Variants in CLN6 observed in about 807,000 individuals in gnomAD.
CLN6 encodes CLN6 transmembrane ER protein, also known as ceroid-lipofuscinosis neuronal protein 6.
A neutral mutation model predicts 33.3 loss-of-function variants in CLN6; 22 were observed. The ratio of observed to expected loss-of-function variants is 0.66; its 90% CI spans 0.47 to 0.94. The LOEUF is 0.94. CLN6 is among the 40% of genes least tolerant of loss of function. The pLI, the probability that CLN6 is intolerant of heterozygous loss-of-function variation, is 0.00. For synonymous variants in CLN6, 201 were observed against 174.6 expected (o/e 1.15, Z -1.19); for missense variants, 387 against 417.1 (o/e 0.93, Z 0.63).
chr15:68,229,951 T>C (rs1236181826), upstream of CLN6, among the ~76,000 whole-genome samples: 1 of 152,130 alleles, frequency 6.6e-6, no homozygotes, highest in African/African-American at 2.4e-5. Flanking sequence ...AATCTCTGTC[T>C]AGGGTGACTG....
chr15:68,255,431 T>C (rs758350159), intron 1 of CLN6, among the ~76,000 whole-genome samples: 4 of 152,222 alleles, frequency 2.6e-5, no homozygotes, highest in Non-Finnish European at 5.9e-5. Context: ...AGATAAATTC[T>C]GCCATTTTCA....
chr15:68,235,614 A>C (rs1341591620), intron 1 of CLN6, among the ~76,000 whole-genome samples: 1 of 35,774 alleles, frequency 2.8e-5, no homozygotes, highest in Non-Finnish European at 8.2e-5. Context: ...ATATATATAT[A>C]TATATATATA....
chr15:68,211,200 GC>G lies in CLN6; in HGVS notation c.542+62del. ...ACAGCCTTGCTCAGTGTGTCCCTGA[GC>G]CAGTGACAGGGCTAGCCGGTAGTTG... On this transcript the variant is annotated intron_variant, in intron 5 of 6. Coordinates refer to ENST00000249806, the MANE Select transcript of CLN6 (RefSeq NM_017882.3). This position sits in a 1 kb window ranked among gnomAD's most constrained non-coding sequence, Gnocchi z 5.9. 1 of 1,396,502 alleles carries G rather than the reference GC, an allele frequency of 7.2e-7. No homozygotes were observed. The highest frequency in any genetic ancestry group is 1.0e-6 in the Non-Finnish European group (1 of 981,452). The allele number at this position is 1,396,502 out of a possible 1,614,324, so 86.5% of individuals were successfully genotyped here.
At chr15:68,223,613 ATGTG>A (rs2093243898) in intron 1 of CLN6, among the ~76,000 whole-genome samples, 1 of 152,148 alleles carries the variant, frequency 6.6e-6, no homozygotes, top group Non-Finnish European at 1.5e-5. Context: ...GAACACTTAG[ATGTG>A]TGTATCTGGA....
Position 68,241,407 on chromosome 15 carries a change from C to T in CLN6, c.179+15283G>A, listed in dbSNP as rs1892279283. Among the ~76,000 whole-genome samples, 1 of 152,140 alleles carries T rather than the reference C, an allele frequency of 6.6e-6. No individual in the cohort carries two copies. The highest frequency in any genetic ancestry group is 1.5e-5 in the Non-Finnish European group (1 of 68,028). On this transcript the variant is annotated intron_variant, in intron 1 of 6. Coordinates refer to the CLN6 transcript ENST00000538696. This position sits in a 1 kb window ranked among gnomAD's most constrained non-coding sequence, Gnocchi z 4.2. Reference sequence around the variant, plus strand: ...TAAATGGATTTCTACATCCATGACTCCCCTCCCTATAATCTGCCCAGCACC... The same window carrying T: ...TAAATGGATTTCTACATCCATGACTTCCCTCCCTATAATCTGCCCAGCACC...
chr15:68,252,231 C>A (rs1486093114), intron 1 of CLN6, among the ~76,000 whole-genome samples: 1 of 152,094 alleles, frequency 6.6e-6, no homozygotes. Context: ...ATCTTGCCCT[C>A]CCAAAGTGCT....
In CLN6 at chr15:68,242,505, AACTT is replaced by A. The variant is rs1266695815; in HGVS notation, c.179+14181_179+14184del. Among the ~76,000 whole-genome samples, 1 of 152,126 alleles carries A rather than the reference AACTT, an allele frequency of 6.6e-6. No individual in the cohort carries two copies. The highest frequency in any genetic ancestry group is 2.4e-5 in the African/African-American group (1 of 41,458). On this transcript the variant is annotated intron_variant, in intron 1 of 6. Coordinates refer to the CLN6 transcript ENST00000538696. This position sits in a 1 kb window ranked among gnomAD's most constrained non-coding sequence, Gnocchi z 5.0. ...AGTTGAGCAAGAACAAGGGGTACAG[AACTT>A]ACTTAAATAAATAATAAGGAGACTC...
rs552350864 is a variant in CLN6 at position 68,227,099 on chromosome 15, G to A, written c.83+2403C>T. On this transcript the variant is annotated intron_variant, in intron 1 of 6. Coordinates refer to ENST00000249806, the MANE Select transcript of CLN6 (RefSeq NM_017882.3). The surrounding 1 kb of genome is among the most constrained non-coding windows in gnomAD (Gnocchi z 4.1). Reference sequence around the variant, plus strand: ...GTCATCCAGGCTGGAGTGCAGTGGCGCCATCTCGGCTCACTACAACCTCCG... The same window carrying A: ...GTCATCCAGGCTGGAGTGCAGTGGCACCATCTCGGCTCACTACAACCTCCG... 3.4e-4 allele frequency among the ~76,000 whole-genome samples: 51 copies of A among 150,316 alleles called. 1 individual carries two copies. The highest frequency in any genetic ancestry group is 1.3e-4 in the Non-Finnish European group (9 of 67,682).
intron 2 of CLN6, 174 bp downstream of exon 2, chr15:68,218,362 C>A: frequency 1.7e-6 from 1 of 571,606 alleles, no homozygotes; most frequent in Non-Finnish European, 3.2e-6. Flanking sequence ...CACTTGCTGG[C>A]AGTTGCCTGA....
chr15:68,208,094 G>GGCCCCCCCCCCCCCCCC lies in CLN6; in HGVS notation c.*45_*46insGGGGGGGGGGGGGGGGC. On this transcript the variant is annotated 3_prime_UTR_variant, in exon 7 of 7. Transcript: ENST00000249806. The surrounding 1 kb of genome is among the most constrained non-coding windows in gnomAD (Gnocchi z 5.8). Reference sequence around the variant, plus strand: ...CTCCTGTATTCAGATGCCCTCCATGGCCCACCCTCCCACCCAGCAGAGCGC... The same window carrying GGCCCCCCCCCCCCCCCC: ...CTCCTGTATTCAGATGCCCTCCATGGGCCCCCCCCCCCCCCCCCCCACCCTCCCACCCAGCAGAGCGC... 25 of 1,375,270 alleles carry GGCCCCCCCCCCCCCCCC rather than the reference G, an allele frequency of 1.8e-5. No homozygotes were observed. Among genetic ancestry groups the GGCCCCCCCCCCCCCCCC allele is most frequent in the Non-Finnish European group, 2.4e-5 (24 of 992,016 alleles). 85.2% of individuals were successfully genotyped at this position (1,375,270 alleles called of 1,614,324 possible).
chr15:68,229,716 T>A lies in CLN6; in HGVS notation c.-132A>T. The A allele has an allele frequency of 1.7e-6, 1 of 585,574 alleles. No individual in the cohort carries two copies. Among genetic ancestry groups the A allele is most frequent in the East Asian group, 5.0e-5 (1 of 20,144 alleles). The allele number at this position is 585,574 out of a possible 1,614,324, so 36.3% of individuals were successfully genotyped here. ...GCGGGCCGGCGAGAGCGCGCGGCCCTCGGGAGGAACAGGCGGGGCTGCGGA... is the reference window on the plus strand; with the variant it reads ...GCGGGCCGGCGAGAGCGCGCGGCCCACGGGAGGAACAGGCGGGGCTGCGGA... On this transcript the variant is annotated 5_prime_UTR_variant, in exon 1 of 7. Transcript: ENST00000249806.
Position 68,209,539 on chromosome 15 carries a change from C to A in CLN6, c.665+98G>T. The A allele has an allele frequency of 1.3e-6, 2 of 1,540,800 alleles. No homozygotes were observed. The highest frequency in any genetic ancestry group is 1.8e-6 in the Non-Finnish European group (2 of 1,127,854). On this transcript the variant is annotated intron_variant, in intron 6 of 6. Coordinates refer to ENST00000249806, the MANE Select transcript of CLN6 (RefSeq NM_017882.3). This position sits in a 1 kb window ranked among gnomAD's most constrained non-coding sequence, Gnocchi z 4.9. The stretch of plus-strand genomic sequence containing the variant: ...CACGGGCCCAAAGAGGGCCAGTCTC[C>A]CTGGGGCCACACAGCAGGTCCATTG...
Position 68,210,770 on chromosome 15 carries a change from C to T in CLN6, c.542+493G>A, listed in dbSNP as rs138176847. Among the ~76,000 whole-genome samples the T allele has an allele frequency of 2.7e-3, 406 of 152,250 alleles. 3 individuals are homozygous for T. The highest frequency in any genetic ancestry group is 9.3e-3 in the African/African-American group (385 of 41,554). ...TCTGGGAGTTCTGAAGAGGGGGGAGCGCAAACAGCACGCCCCTCCCCAGCC... is the reference window on the plus strand; with the variant it reads ...TCTGGGAGTTCTGAAGAGGGGGGAGTGCAAACAGCACGCCCCTCCCCAGCC... On this transcript the variant is annotated intron_variant, in intron 5 of 6. Coordinates refer to ENST00000249806, the MANE Select transcript of CLN6 (RefSeq NM_017882.3). The surrounding 1 kb of genome is among the most constrained non-coding windows in gnomAD (Gnocchi z 5.6).
chr15:68,237,133 C>T lies in CLN6; in HGVS notation c.180-18483G>A, dbSNP rs548250949. ...GATTGCGCCACTGCAGTCCGCAATC[C>T]GGCCTGGGCGACAGAGCGAGACTCC... On this transcript the variant is annotated intron_variant, in intron 1 of 6. Coordinates refer to the CLN6 transcript ENST00000538696. 3.1e-3 allele frequency among the ~76,000 whole-genome samples: 383 copies of T among 125,078 alleles called. 13 individuals carry two copies. Among genetic ancestry groups the T allele is most frequent in the Non-Finnish European group, 9.6e-4 (61 of 63,398 alleles). The allele number at this position is 125,078 out of a possible 152,430, so 82.1% of individuals were successfully genotyped here.
rs890539004 is a variant in CLN6, at chr15:68,207,277, C to T, written c.*863G>A. ...GCCTTTGGCACCCCACCCTCCAGCC[C>T]CCAGGAATGCAGGCGCTCAAAGCCT... is the stretch of plus-strand genomic sequence containing the variant. On this transcript the variant is annotated 3_prime_UTR_variant, in exon 7 of 7. Coordinates refer to ENST00000249806, the MANE Select transcript of CLN6 (RefSeq NM_017882.3). 6.5e-6 allele frequency: 1 copy of T among 152,760 alleles called. No individual in the cohort carries two copies. Among genetic ancestry groups the T allele is most frequent in the Admixed American group, 6.5e-5 (1 of 15,284 alleles). 9.5% of individuals were successfully genotyped at this position (152,760 alleles called of 1,614,324 possible).
In CLN6 at chr15:68,211,628, G is replaced by C. The variant is rs1264121514; in HGVS notation, c.486+47C>G. The C allele has an allele frequency of 1.2e-6, 2 of 1,610,312 alleles. No homozygotes were observed. The highest frequency in any genetic ancestry group is 1.7e-6 in the Non-Finnish European group (2 of 1,179,972). ...GCCATTTCTTCAGCCTCCCAGGACA[G>C]ACTGTGCTCCTAGGGCTTACAGGCA... On this transcript the variant is annotated intron_variant, in intron 4 of 6. Transcript: ENST00000249806. This position sits in a 1 kb window ranked among gnomAD's most constrained non-coding sequence, Gnocchi z 5.9.
At chr15:68,218,776 A>G in intron 1 of CLN6, 126 bp from the exon 2 acceptor site, 1 of 703,998 alleles carries the variant, frequency 1.4e-6, no homozygotes, top group South Asian at 1.5e-5. Flanking sequence ...ATTGAGTTCT[A>G]TGGATAGGGT....
intron 1 of CLN6, among the ~76,000 whole-genome samples, chr15:68,249,629 G>A (rs76788269): frequency 0.2 from 10,292 of 51,536 alleles, 1,134 homozygotes; most frequent in African/African-American, 0.41. Context: ...TGAATCTCAT[G>A]AAGATAGAGA....
At position 68,241,278 on chromosome 15, in the gene CLN6, G is replaced by A. The variant is rs1326034809; in HGVS notation, c.179+15412C>T. On this transcript the variant is annotated intron_variant, in intron 1 of 6. Coordinates refer to the CLN6 transcript ENST00000538696. This position sits in a 1 kb window ranked among gnomAD's most constrained non-coding sequence, Gnocchi z 4.2. Reference sequence around the variant, plus strand: ...AAACCAAAAACAAATACACAGTGCTGAGATGATCAGCACTATGCCAGCAAT... The same window carrying A: ...AAACCAAAAACAAATACACAGTGCTAAGATGATCAGCACTATGCCAGCAAT... Among the ~76,000 whole-genome samples the A allele has an allele frequency of 1.3e-5, 2 of 151,844 alleles. No homozygotes were observed.
Sources: allele counts gnomAD v4.1 joint callset (sites outside exome capture counted in the v4.1 genomes callset), GRCh38; gene constraint gnomAD v4.1.1; non-coding constraint Gnocchi (gnomAD v3.1); transcripts MANE v1.5; gene names NCBI Gene and HGNC (gene_info 2026-07-23, HGNC 2026-07-21).